The following ZNF121 variants were observed in gnomAD, a reference collection of about 807,000 sequenced individuals.
The protein encoded by ZNF121 is zinc finger protein 121 (clone ZHC32).
A neutral mutation model predicts 2.4 loss-of-function variants in ZNF121; 1 was observed. The observed-to-expected ratio is 0.41, with a 90% CI of 0.15 to 1.94. The LOEUF (loss-of-function observed/expected upper bound fraction) is 1.94, where lower values mean the gene tolerates loss of function less well. Ranked by LOEUF, ZNF121 falls within the 30% of genes most tolerant of loss-of-function variation. ZNF121 has a pLI of 0.30. For synonymous variants in ZNF121, 173 were observed against 158.6 expected (o/e 1.09, Z -0.68); for missense variants, 369 against 466.3 (o/e 0.79, Z 1.92).
intron 1 of ZNF121, among the ~76,000 whole-genome samples, chr19:9,578,980 CAAAAAAAA>C (rs746310089): frequency 1.2e-5 from 1 of 86,120 alleles, no homozygotes. Flanking sequence ...AACTTGATAG[CAAAAAAAA>C]AAAAAAAAAA....
chr19:9,568,434 G>A (rs1293818414), intron 2 of ZNF121, among the ~76,000 whole-genome samples: 1 of 151,776 alleles, frequency 6.6e-6, no homozygotes, highest in Non-Finnish European at 1.5e-5. Context: ...GGAGTGCAGT[G>A]GCATGATCTC....
intron 1 of ZNF121, among the ~76,000 whole-genome samples, chr19:9,578,393 CA>C (rs977985755): frequency 4.0e-4 from 55 of 136,084 alleles, no homozygotes; most frequent in Admixed American, 6.7e-4. Context: ...GACTTAGTCT[CA>C]AAAAAAAAAA....
intron 1 of ZNF121, among the ~76,000 whole-genome samples, chr19:9,583,023 C>T (rs953747420): frequency 1.6e-5 from 2 of 126,120 alleles, no homozygotes; most frequent in Non-Finnish European, 3.2e-5. Context: ...ACCAGCCTGG[C>T]GAGCATGGTG....
At chr19:9,583,057 C>CAAAAA (rs1326380773) in intron 1 of ZNF121, among the ~76,000 whole-genome samples, 3,779 of 122,118 alleles carry the variant, frequency 0.031, 298 homozygotes, top group African/African-American at 0.11. Flanking sequence ...ACTAAAAATA[C>CAAAAA]AAAAAAAAAA....
At position 9,562,589 on chromosome 19, in the gene ZNF121, C is replaced by T. The variant is rs59194512; in HGVS notation, c.*3351G>A. On this transcript the variant is annotated 3_prime_UTR_variant, in exon 4 of 4. Transcript: ENST00000320451. ...CCACCAACTGGCCACTCTCCCCTCT[C>T]TCCTCCTCTTCCCAGGCCTCCTAAT... is the stretch of plus-strand genomic sequence containing the variant. 8.1e-5 allele frequency: 10 copies of T among 123,704 alleles called. No homozygotes were observed. Among genetic ancestry groups the T allele is most frequent in the African/African-American group, 2.5e-4 (10 of 39,232 alleles). 7.7% of individuals were successfully genotyped at this position (123,704 alleles called of 1,614,324 possible). A position where few individuals can be genotyped will look rare whatever the true frequency, so the allele number is the denominator to read the frequency against.
At chr19:9,574,343 A>G (rs1177618959) in intron 1 of ZNF121, among the ~76,000 whole-genome samples, 1 of 151,592 alleles carries the variant, frequency 6.6e-6, no homozygotes, top group Non-Finnish European at 1.5e-5. Context: ...TTTAGTAGAG[A>G]CAGGTTTTCA....
At chr19:9,578,305 A>T (rs1277451083) in intron 1 of ZNF121, among the ~76,000 whole-genome samples, 1 of 152,084 alleles carries the variant, frequency 6.6e-6, no homozygotes, top group East Asian at 1.9e-4. Context: ...GAGGCAGGAG[A>T]ATTCCTTGAA....
rs757195262 is a variant in ZNF121 at position 9,566,498 on chromosome 19, A to G, written c.615T>C (p.Cys205=). The G allele has an allele frequency of 1.2e-6, 2 of 1,614,164 alleles. No homozygotes were observed. Among genetic ancestry groups the G allele is most frequent in the Admixed American group, 3.3e-5 (2 of 60,018 alleles). ...TGEKPYQCKE[C]GRAFAGRSGL... is the part of the protein sequence containing the mutation. ...CTGAGCGCCCAGCGAAGGCTCTTCC[A>G]CATTCCTTACATTGATAAGGTTTCT... Residue 205 remains cysteine, a synonymous_variant, in exon 4 of 4, where the codon TGT becomes TGC. Coordinates refer to ENST00000320451, the MANE Select transcript of ZNF121 (RefSeq NM_001008727.5).
At chr19:9,581,929 G>T (rs541134456) in intron 1 of ZNF121, among the ~76,000 whole-genome samples, 2 of 152,118 alleles carry the variant, frequency 1.3e-5, no homozygotes, top group African/African-American at 4.8e-5. Context: ...CAAGTATCAC[G>T]TGTGCAATTA....
chr19:9,575,023 C>G (rs750298881), intron 1 of ZNF121, among the ~76,000 whole-genome samples: 1 of 152,186 alleles, frequency 6.6e-6, no homozygotes, highest in Admixed American at 6.5e-5. Context: ...AGCAATCCAC[C>G]AGGCTCAGCC....
chr19:9,563,561 A>G lies in ZNF121; in HGVS notation c.*2379T>C, dbSNP rs1332107101. The G allele has an allele frequency of 6.6e-6, 1 of 152,232 alleles. No homozygotes were observed. The highest frequency in any genetic ancestry group is 2.4e-5 in the African/African-American group (1 of 41,462). 9.4% of individuals were successfully genotyped at this position (152,232 alleles called of 1,614,324 possible). On this transcript the variant is annotated 3_prime_UTR_variant, in exon 4 of 4. Transcript: ENST00000320451. Reference sequence around the variant, plus strand: ...GACTTTCACAGCTCTAGGTAAGCTAATATCTGACTTCAAAGATTCAAAGGA... The same window carrying G: ...GACTTTCACAGCTCTAGGTAAGCTAGTATCTGACTTCAAAGATTCAAAGGA...
intron 3 of ZNF121, chr19:9,567,540 G>A: frequency 4.5e-6 from 1 of 222,870 alleles, no homozygotes; most frequent in East Asian, 1.1e-4. Flanking sequence ...GTGGAATAGG[G>A]GTGGGATAGG....
intron 1 of ZNF121, among the ~76,000 whole-genome samples, chr19:9,582,292 A>C (rs960000468): frequency 1.3e-5 from 2 of 152,194 alleles, no homozygotes; most frequent in Non-Finnish European, 2.9e-5. Context: ...GAAGAACAAC[A>C]AGAAGAAGCG....
chr19:9,581,875 C>T (rs554897983), intron 1 of ZNF121, among the ~76,000 whole-genome samples: 1 of 152,248 alleles, frequency 6.6e-6, no homozygotes, highest in Admixed American at 6.5e-5. Context: ...TTCAGAATGA[C>T]AGTGCTATTT....
intron 1 of ZNF121, among the ~76,000 whole-genome samples, chr19:9,573,124 C>T (rs954700741): frequency 1.4e-4 from 22 of 152,140 alleles, no homozygotes; most frequent in Non-Finnish European, 1.5e-5. Flanking sequence ...AGATGTACAT[C>T]CACAAGAAAC....
intron 1 of ZNF121, among the ~76,000 whole-genome samples, chr19:9,583,899 C>T (rs545462939): frequency 2.0e-5 from 3 of 152,214 alleles, no homozygotes; most frequent in African/African-American, 7.2e-5. Context: ...ACAGTCTACA[C>T]GTGTTCATAT....
chr19:9,566,828 T>C lies in ZNF121; in HGVS notation c.285A>G (p.Glu95=), dbSNP rs1209748554. 1 of 1,614,096 alleles carries C rather than the reference T, an allele frequency of 6.2e-7. No individual in the cohort carries two copies. The highest frequency in any genetic ancestry group is 8.5e-7 in the Non-Finnish European group (1 of 1,180,040). Residue 95 remains glutamate, a synonymous_variant, in exon 4 of 4, where the codon GAA becomes GAG. Coordinates refer to ENST00000320451, the MANE Select transcript of ZNF121 (RefSeq NM_001008727.5). The part of the protein sequence containing the change: ...DKSFEYSDCE[E]AFVDQSHLQA... ...GAAGATGTGACTGATCAACAAAGGC[T>C]TCCTCACAGTCACTGTATTCAAAGG...
chr19:9,566,569 T>C lies in ZNF121; in HGVS notation c.544A>G (p.Thr182Ala). The change falls in exon 4 of 4, where the codon ACT becomes GCT. Residue 182 changes from threonine (T) to alanine (A), a missense_variant. Coordinates refer to ENST00000320451, the MANE Select transcript of ZNF121 (RefSeq NM_001008727.5). ...TGTTCAACTAGGTGTGAAGAAACAG[T>C]GAAGCATTTCCCACATTCCTTACAT... is the stretch of plus-strand genomic sequence containing the variant. The part of the protein sequence containing the change: ...YECKECGKCF[T>A]VSSHLVEHVR... 6.2e-7 allele frequency: 1 copy of C among 1,614,174 alleles called. No homozygotes were observed. The highest frequency in any genetic ancestry group is 8.5e-7 in the Non-Finnish European group (1 of 1,180,022).
chr19:9,566,552 T>C lies in ZNF121; in HGVS notation c.561A>G (p.Leu187=). ...CGKCFTVSSH[L]VEHVRIHTGE... ...CAGTATGAATTCTTACATGTTCAAC[T>C]AGGTGTGAAGAAACAGTGAAGCATT... The change falls in exon 4 of 4, where the codon CTA becomes CTG. Residue 187 remains leucine, a synonymous_variant. Coordinates refer to ENST00000320451, the MANE Select transcript of ZNF121 (RefSeq NM_001008727.5). 6.2e-7 allele frequency: 1 copy of C among 1,614,210 alleles called. No homozygotes were observed.
Sources: gnomAD v4.1 joint callset for allele counts (sites outside exome capture counted in the v4.1 genomes callset) on GRCh38, gnomAD v4.1.1 for gene constraint, MANE v1.5 for transcripts, NCBI Gene and HGNC (gene_info 2026-07-23, HGNC 2026-07-21) for gene names.